The following KLC1 variants were observed in gnomAD, a reference collection of about 807,000 sequenced individuals.
The protein encoded by KLC1 is kinesin 2 60/70kDa.
Under a neutral mutation model 84.2 loss-of-function variants are expected in KLC1, and 30 were observed. That is an observed-to-expected ratio of 0.36 (90% CI 0.27 to 0.48). KLC1 has a LOEUF of 0.48. Ranked by LOEUF, KLC1 falls within the 20% of genes least tolerant of loss-of-function variation. The pLI is 0.99. For synonymous variants in KLC1, 289 were observed against 293.3 expected, an observed-to-expected ratio of 0.99 and a Z score of 0.15; for missense variants, 499 against 805.4, an observed-to-expected ratio of 0.62 and a Z score of 4.60.
At position 103,662,761 on chromosome 14, in the gene KLC1, G is replaced by A. The variant is rs769413348; in HGVS notation, c.631G>A (p.Ala211Thr). The A allele has an allele frequency of 2.5e-6, 4 of 1,611,494 alleles. No individual in the cohort carries two copies. Among genetic ancestry groups the A allele is most frequent in the Non-Finnish European group, 3.4e-6 (4 of 1,179,204 alleles). ...CCAGCAGGGCGGCTACGAGATCCCC[G>A]CGCGGCTGCGGACGCTCCACAACCT... ...AAQQGGYEIP[A>T]RLRTLHNLVI... Residue 211 changes from alanine (A) to threonine (T), a missense_variant, in exon 5 of 17, where the codon GCG becomes ACG. Ala to Thr is a moderately conservative substitution (Grantham distance 58). Around this residue, in one of 3 missense-constraint regions of KLC1, gnomAD observed 179 missense variants for 264.2 expected, o/e 0.68. Coordinates refer to ENST00000334553, the MANE Select transcript of KLC1 (RefSeq NM_001394837.1).
chr14:103,662,996 A>G (rs2079413683), intron 5 of KLC1, 69 bp downstream of exon 5: 2 of 1,061,990 alleles, frequency 1.9e-6, no homozygotes, highest in South Asian at 1.7e-5. Flanking sequence ...TGCCCCTTAA[A>G]ATATATTTTT....
intron 1 of KLC1, among the ~76,000 whole-genome samples, chr14:103,653,817 C>G (rs2078646455): frequency 6.6e-6 from 1 of 152,132 alleles, no homozygotes; most frequent in Admixed American, 6.6e-5. Context: ...GTTTTTAAGA[C>G]TTAGAAAAAA....
chr14:103,668,245 A>C (rs1023396147), intron 5 of KLC1, among the ~76,000 whole-genome samples: 6 of 152,336 alleles, frequency 3.9e-5, no homozygotes, highest in Non-Finnish European at 8.8e-5. Flanking sequence ...GTCTGAAACC[A>C]AATGCAAGCT....
At chr14:103,684,885 TTTTAG>T in intron 13 of KLC1, 1 of 712,986 alleles carries the variant, frequency 1.4e-6, no homozygotes, top group Non-Finnish European at 2.6e-6. Context: ...TACGTTAGCA[TTTTAG>T]CATCCTTTTT....
At chr14:103,695,337 GTGTATATATA>G (rs1567043317) in intron 15 of KLC1, 32 of 527,076 alleles carry the variant, frequency 6.1e-5, no homozygotes, top group South Asian at 9.1e-5. Flanking sequence ...ATGTGTGTGT[GTGTATATATA>G]TATATATATA....
At chr14:103,669,416 A>C (rs2080188374) in intron 5 of KLC1, 95 bp from the exon 6 acceptor site, 2 of 640,338 alleles carry the variant, frequency 3.1e-6, no homozygotes, top group Admixed American at 5.5e-5. Flanking sequence ...CCTGTGCAAC[A>C]GAGTCAGACT....
At chr14:103,632,948 C>T (rs901801383) in intron 1 of KLC1, among the ~76,000 whole-genome samples, 25 of 151,574 alleles carry the variant, frequency 1.6e-4, no homozygotes, top group African/African-American at 6.1e-4. Flanking sequence ...TGTAAAGGGG[C>T]ATGTTGGGAA....
At chr14:103,689,645 C>G (rs1248833036) in intron 14 of KLC1, among the ~76,000 whole-genome samples, 3 of 152,170 alleles carry the variant, frequency 2.0e-5, no homozygotes, top group African/African-American at 7.2e-5. Flanking sequence ...GCATTTCACA[C>G]AAGTTCCCAC....
chr14:103,660,876 G>C (rs2079223497), intron 3 of KLC1, among the ~76,000 whole-genome samples: 2 of 152,190 alleles, frequency 1.3e-5, no homozygotes, highest in Non-Finnish European at 2.9e-5. Flanking sequence ...GTACTTTGCA[G>C]ATGTCGATGC....
At chr14:103,658,760 C>T (rs1181904719) in intron 3 of KLC1, among the ~76,000 whole-genome samples, 3 of 143,768 alleles carry the variant, frequency 2.1e-5, no homozygotes, top group African/African-American at 5.2e-5. Flanking sequence ...CGGGCTCCAG[C>T]GATTCTCCTG....
In KLC1 at chr14:103,673,137, A is replaced by G; in HGVS notation, c.1111A>G (p.Thr371Ala). The G allele has an allele frequency of 6.2e-7, 1 of 1,614,108 alleles. No individual in the cohort carries two copies. The highest frequency in any genetic ancestry group is 1.1e-5 in the South Asian group (1 of 91,064). ...YYQRALEIYQTKLGPDDPNVA... is the reference protein window; with the variant it reads ...YYQRALEIYQAKLGPDDPNVA... ...TCAAAGAGCCCTCGAGATCTACCAGACAAAACTGGGACCTGATGACCCCAA... is the reference window on the plus strand; with the variant it reads ...TCAAAGAGCCCTCGAGATCTACCAGGCAAAACTGGGACCTGATGACCCCAA... The change falls in exon 8 of 17, where the codon ACA becomes GCA. Residue 371 changes from threonine (T) to alanine (A), a missense_variant. By Grantham distance (58) the Thr-to-Ala change is moderately conservative (BLOSUM62 0). Transcript: ENST00000334553.
chr14:103,656,176 G>T lies in KLC1; in HGVS notation c.261+1351G>T, dbSNP rs575372537. ...TGCTGCTTTGATGATGTGTACAGCA[G>T]TGCTTACATTGCATTGGCCAGACCT... On this transcript the variant is annotated intron_variant, in intron 2 of 16. Coordinates refer to ENST00000334553, the MANE Select transcript of KLC1 (RefSeq NM_001394837.1). Among the ~76,000 whole-genome samples, 6 of 152,312 alleles carry T rather than the reference G, an allele frequency of 3.9e-5. No homozygotes were observed. The South Asian group carries it at 1.2e-3, about 32-fold the overall frequency.
chr14:103,638,107 A>G (rs2077185612), intron 1 of KLC1, among the ~76,000 whole-genome samples: 1 of 151,438 alleles, frequency 6.6e-6, no homozygotes, highest in Admixed American at 6.6e-5. Context: ...GTATATGGGG[A>G]TGGGACCTGA....
chr14:103,701,284 G>A lies in KLC1; in HGVS notation c.*85G>A, dbSNP rs1167405950. 3 of 1,454,710 alleles carry A rather than the reference G, an allele frequency of 2.1e-6. No individual in the cohort carries two copies. Among genetic ancestry groups the A allele is most frequent in the Non-Finnish European group, 2.8e-6 (3 of 1,067,754 alleles). 90.1% of individuals were successfully genotyped at this position (1,454,710 alleles called of 1,614,324 possible). On this transcript the variant is annotated 3_prime_UTR_variant, in exon 17 of 17. Coordinates refer to ENST00000334553, the MANE Select transcript of KLC1 (RefSeq NM_001394837.1). Reference sequence around the variant, plus strand: ...CGGGACAGCCAGGGCGGCAGGGAGGGCCCCTGGCCGGGAGCCGCAGCGCTC... The same window carrying A: ...CGGGACAGCCAGGGCGGCAGGGAGGACCCCTGGCCGGGAGCCGCAGCGCTC...
Position 103,694,292 on chromosome 14 carries a change from C to G in KLC1, c.1848+1867C>G. 1 of 963,068 alleles carries G rather than the reference C, an allele frequency of 1.0e-6. No homozygotes were observed. The highest frequency in any genetic ancestry group is 1.2e-6 in the Non-Finnish European group (1 of 815,676). 59.7% of individuals were successfully genotyped at this position (963,068 alleles called of 1,614,324 possible). Reference sequence around the variant, plus strand: ...TTTGAGACGGAGTCTAACTCTGTTGCCCAGGCTGGAGCGCAGTGGCCCAAT... The same window carrying G: ...TTTGAGACGGAGTCTAACTCTGTTGGCCAGGCTGGAGCGCAGTGGCCCAAT... On this transcript the variant is annotated intron_variant, in intron 15 of 16. Coordinates refer to ENST00000334553, the MANE Select transcript of KLC1 (RefSeq NM_001394837.1). This position sits in a 1 kb window ranked among gnomAD's most constrained non-coding sequence, Gnocchi z 4.5.
At chr14:103,698,903 G>A (rs746493086) in intron 15 of KLC1, 1 of 1,602,554 alleles carries the variant, frequency 6.2e-7, no homozygotes, top group South Asian at 1.1e-5. Flanking sequence ...GCAGGGTCCG[G>A]GCTGGGCAGC....
At chr14:103,666,096 C>T (rs1025831124) in intron 5 of KLC1, among the ~76,000 whole-genome samples, 3 of 151,934 alleles carry the variant, frequency 2.0e-5, no homozygotes, top group African/African-American at 7.3e-5. Context: ...GACGGAGTCT[C>T]GCTGTCACCC....
intron 7 of KLC1, 53 bp downstream of exon 7, chr14:103,670,336 GT>G: frequency 4.7e-6 from 6 of 1,271,332 alleles, no homozygotes; most frequent in Non-Finnish European, 6.6e-6. Flanking sequence ...TTGTGTGTGT[GT>G]GGTTTTTTTT....
At chr14:103,639,625 A>C (rs1438035940) in intron 1 of KLC1, among the ~76,000 whole-genome samples, 4 of 150,128 alleles carry the variant, frequency 2.7e-5, no homozygotes, top group South Asian at 4.2e-4. Context: ...ATTTTTGTAG[A>C]GACAGGGTCT....
Sources: allele counts gnomAD v4.1 joint callset (sites outside exome capture counted in the v4.1 genomes callset), GRCh38; gene constraint gnomAD v4.1.1; regional missense constraint gnomAD v4.1.1; non-coding constraint Gnocchi (gnomAD v3.1); transcripts MANE v1.5; gene names NCBI Gene and HGNC (gene_info 2026-07-23, HGNC 2026-07-21).